Variants in KIF26B observed in about 807,000 individuals in gnomAD.
The protein encoded by KIF26B is kinesin-like protein KIF26B.
KIF26B carries 63 observed loss-of-function variants against 151.2 expected under a neutral mutation model. That is an observed-to-expected ratio of 0.42 (90% confidence interval 0.34 to 0.51). The LOEUF is 0.51. Among genes scored for constraint, KIF26B ranks in the 20% least tolerant of loss-of-function variants. KIF26B has a pLI of 0.07. For missense variants in KIF26B, 2,813 were observed against 2,913.6 expected, an observed-to-expected ratio of 0.97 and a Z score of 0.79; for synonymous variants, 1,357 against 1,262.1, an observed-to-expected ratio of 1.08 and a Z score of -1.59.
At chr1:245,621,393 A>G (rs1421656515) in intron 9 of KIF26B, among the ~76,000 whole-genome samples, 3 of 152,204 alleles carry the variant, frequency 2.0e-5, no homozygotes, top group Non-Finnish European at 4.4e-5. Context: ...GAATTAAGTG[A>G]TATTAGGAGA....
In KIF26B at chr1:245,156,639, A is replaced by G. The variant is rs1573677274; in HGVS notation, c.421A>G (p.Arg141Gly). ...NCNARLVELK[R>G]QALRLLLPGP... ...CAACGCCCGCCTGGTGGAGCTCAAG[A>G]GGCAGGCCCTGAGGTTGCTCCTCCC... is the stretch of plus-strand genomic sequence containing the variant. Residue 141 changes from arginine to glycine, a missense_variant, in exon 2 of 15, where the codon AGG (arginine) becomes GGG (glycine). Transcript: ENST00000407071. 3 of 1,522,114 alleles carry G rather than the reference A, an allele frequency of 2.0e-6. No homozygotes were observed. In the South Asian group the frequency reaches 3.6e-5, roughly 18 times the overall value. The allele number at this position is 1,522,114 out of a possible 1,614,324, so 94.3% of individuals were successfully genotyped here.
rs946849345 is a variant in KIF26B, at chr1:245,708,052, C to T, written c.*5446C>T. On this transcript the variant is annotated 3_prime_UTR_variant, in exon 15 of 15. Transcript: ENST00000407071. The stretch of plus-strand genomic sequence containing the variant: ...GTCTTACAATCTTAAGGCATTTTGT[C>T]CCCTCACTGGGTCCCGAGAGGCAGG... The T allele has an allele frequency of 6.6e-6, 1 of 152,206 alleles. No individual in the cohort carries two copies. The highest frequency in any genetic ancestry group is 1.5e-5 in the Non-Finnish European group (1 of 68,038). The allele number at this position is 152,206 out of a possible 1,614,324, so 9.4% of individuals were successfully genotyped here.
At chr1:245,669,630 C>T (rs1302931105) in intron 10 of KIF26B, among the ~76,000 whole-genome samples, 2 of 152,172 alleles carry the variant, frequency 1.3e-5, no homozygotes, top group South Asian at 2.1e-4. Context: ...AAGAAGGTAC[C>T]ACTTCCTAGC....
rs1219950860 is a variant in KIF26B at position 245,244,872 on chromosome 1, T to A, written c.465+88189T>A. Among the ~76,000 whole-genome samples the A allele has an allele frequency of 6.6e-6, 1 of 152,068 alleles. No homozygotes were observed. Among genetic ancestry groups the A allele is most frequent in the Non-Finnish European group, 1.5e-5 (1 of 68,016 alleles). On this transcript the variant is annotated intron_variant, in intron 2 of 14. Transcript: ENST00000407071. The surrounding 1 kb of genome is among the most constrained non-coding windows in gnomAD (Gnocchi z 4.2). Reference sequence around the variant, plus strand: ...TCCTTCTGTTCTTCTAAGTCCCTTCTACTTTATTCAGAGATTATCATCATG... The same window carrying A: ...TCCTTCTGTTCTTCTAAGTCCCTTCAACTTTATTCAGAGATTATCATCATG...
At chr1:245,242,646 T>TTTTG (rs34039863) in intron 2 of KIF26B, among the ~76,000 whole-genome samples, 11 of 151,086 alleles carry the variant, frequency 7.3e-5, no homozygotes, top group African/African-American at 1.2e-4. Flanking sequence ...ATATGTGGTT[T>TTTTG]TTTGTTTGTT....
At chr1:245,653,730 A>G (rs868756032) in intron 10 of KIF26B, among the ~76,000 whole-genome samples, 62 of 152,314 alleles carry the variant, frequency 4.1e-4, no homozygotes, top group African/African-American at 1.4e-3. Flanking sequence ...AGGATCAAAC[A>G]TACCAGCAAA....
chr1:245,162,261 C>T (rs1251944040), intron 2 of KIF26B, among the ~76,000 whole-genome samples: 1 of 152,108 alleles, frequency 6.6e-6, no homozygotes, highest in Admixed American at 6.5e-5. Context: ...AGCTATTCAT[C>T]AGCATCCTTT....
chr1:245,456,819 A>G (rs1479734190), intron 4 of KIF26B, among the ~76,000 whole-genome samples: 1 of 152,232 alleles, frequency 6.6e-6, no homozygotes, highest in Non-Finnish European at 1.5e-5. Flanking sequence ...TGCATACCCA[A>G]GGGGCTACAT....
intron 12 of KIF26B, among the ~76,000 whole-genome samples, chr1:245,696,277 A>T (rs2044692061): frequency 2.0e-5 from 3 of 152,238 alleles, no homozygotes; most frequent in Non-Finnish European, 4.4e-5. Flanking sequence ...GCCAGCTGCC[A>T]TGTCATAAAT....
At chr1:245,232,614 G>C (rs1327869602) in intron 2 of KIF26B, among the ~76,000 whole-genome samples, 1 of 150,394 alleles carries the variant, frequency 6.6e-6, no homozygotes, top group Non-Finnish European at 1.5e-5. Context: ...ACAGTGGTGC[G>C]ATCTCAGCTC....
intron 5 of KIF26B, among the ~76,000 whole-genome samples, chr1:245,545,099 GC>G (rs1661709725): frequency 7.5e-6 from 1 of 133,094 alleles, no homozygotes; most frequent in African/African-American, 3.0e-5. Flanking sequence ...CTGATACACA[GC>G]AATTTTTTTT....
At chr1:245,228,078 G>A (rs562258657) in intron 2 of KIF26B, among the ~76,000 whole-genome samples, 3 of 152,150 alleles carry the variant, frequency 2.0e-5, no homozygotes, top group Non-Finnish European at 4.4e-5. Context: ...TGCCTTCAAA[G>A]GCCACCTGTA....
intron 2 of KIF26B, among the ~76,000 whole-genome samples, chr1:245,354,486 C>T (rs186460972): frequency 6.6e-6 from 1 of 152,208 alleles, no homozygotes; most frequent in African/African-American, 2.4e-5. Flanking sequence ...CACACTCTCT[C>T]GTGAACAGCT....
rs2043070814 is a variant in KIF26B, at chr1:245,572,071, G to T, written c.1351-30506G>T. On this transcript the variant is annotated intron_variant, in intron 5 of 14. Transcript: ENST00000407071. The surrounding 1 kb of genome is among the most constrained non-coding windows in gnomAD (Gnocchi z 4.2). ...TTATCTGCTAAGTATGACAAGTGTG[G>T]CAACTGTGCACAGAGTCCAGATCTC... Among the ~76,000 whole-genome samples the T allele has an allele frequency of 6.6e-6, 1 of 152,132 alleles. No homozygotes were observed. The highest frequency in any genetic ancestry group is 1.5e-5 in the Non-Finnish European group (1 of 68,040).
In KIF26B at chr1:245,513,151, C is replaced by T. The variant is rs1482350128; in HGVS notation, c.1167-27616C>T. Among the ~76,000 whole-genome samples the T allele has an allele frequency of 4.6e-5, 7 of 151,716 alleles. No homozygotes were observed. In the East Asian group the frequency reaches 1.4e-3, roughly 30 times the overall value. ...GCAACCCCACCCTCCTCCACACCCTCCTCCACCCCCACAGCTTGTGCCTCT... is the reference window on the plus strand; with the variant it reads ...GCAACCCCACCCTCCTCCACACCCTTCTCCACCCCCACAGCTTGTGCCTCT... On this transcript the variant is annotated intron_variant, in intron 4 of 14. Transcript: ENST00000407071.
intron 4 of KIF26B, among the ~76,000 whole-genome samples, chr1:245,493,853 C>G (rs1660455850): frequency 6.6e-6 from 1 of 152,156 alleles, no homozygotes; most frequent in Non-Finnish European, 1.5e-5. Flanking sequence ...CTTAAGAGAT[C>G]AAGATCCTGG....
chr1:245,529,577 A>G (rs1336753888), intron 4 of KIF26B, among the ~76,000 whole-genome samples: 5 of 152,214 alleles, frequency 3.3e-5, no homozygotes, highest in Non-Finnish European at 4.4e-5. Context: ...TTAATTAAAT[A>G]TTTTCTGCTT....
chr1:245,422,507 C>T (rs774234539), intron 4 of KIF26B, among the ~76,000 whole-genome samples: 8 of 152,174 alleles, frequency 5.3e-5, no homozygotes, highest in South Asian at 2.1e-4. Context: ...GGTCCCCAAA[C>T]GTCCATGTGA....
chr1:245,656,395 G>T (rs142320916), intron 10 of KIF26B, among the ~76,000 whole-genome samples: 2 of 152,336 alleles, frequency 1.3e-5, no homozygotes, highest in African/African-American at 4.8e-5. Context: ...GTCATTCCCT[G>T]CTTTGATATA....
Sources: gnomAD v4.1 joint callset for allele counts (sites outside exome capture counted in the v4.1 genomes callset) on GRCh38, gnomAD v4.1.1 for gene constraint, Gnocchi (gnomAD v3.1) non-coding constraint, MANE v1.5 for transcripts, NCBI Gene and HGNC (gene_info 2026-07-23, HGNC 2026-07-21) for gene names.